YBEY: variants seen among roughly 807,000 people sequenced by gnomAD.
YBEY encodes the protein endoribonuclease YbeY.
A neutral mutation model predicts 13.5 loss-of-function variants in YBEY; 15 were observed. The observed-to-expected ratio is 1.11, with a 90% CI of 0.75 to 1.72. The LOEUF is 1.72. YBEY is among the 40% of genes most tolerant of loss of function. The pLI, the probability that YBEY is intolerant of heterozygous loss-of-function variation, is 0.00. For missense variants in YBEY, 244 were observed against 208.4 expected (o/e 1.17, Z -1.05); for synonymous variants, 101 against 83.1 (o/e 1.21, Z -1.17).
chr21:46,302,476 T>TG (rs773494949), downstream of YBEY: 17 of 1,595,512 alleles, frequency 1.1e-5, no homozygotes, highest in South Asian at 1.9e-4. Flanking sequence ...TGCTGGGGGC[T>TG]AAGCCTACCT....
At chr21:46,301,893 G>A, downstream of YBEY, 1 of 1,336,452 alleles carries the variant, frequency 7.5e-7, no homozygotes, top group Non-Finnish European at 9.6e-7. Flanking sequence ...ACTCCGGGTG[G>A]TGGCAGGGTC....
chr21:46,303,733 ATATATATATATATTTTTTTTTTT>A, the YBEY span, among the ~76,000 whole-genome samples: 1 of 32,230 alleles, frequency 3.1e-5, no homozygotes, highest in Non-Finnish European at 5.7e-5. Context: ...ATATATATAT[ATATATATATATATTTTTTTTTTT>A]TTTTTTTTTT....
At chr21:46,300,799 T>C (rs1475849065), downstream of YBEY, 2 of 1,288,138 alleles carry the variant, frequency 1.6e-6, no homozygotes, top group Non-Finnish European at 2.0e-6. Context: ...TCTGTCCTAA[T>C]AGGGGGTGAA....
At position 46,287,569 on chromosome 21, in the gene YBEY, A is replaced by G. The variant is rs1415486953; in HGVS notation, c.210+446A>G. Among the ~76,000 whole-genome samples, 3 of 152,214 alleles carry G rather than the reference A, an allele frequency of 2.0e-5. No homozygotes were observed. The East Asian group carries it at 5.8e-4, about 29-fold the overall frequency. ...GCCTATAAGTATATATGTTACAGACATGATTTTTAATTTTAATTTTGAAAA... is the reference window on the plus strand; with the variant it reads ...GCCTATAAGTATATATGTTACAGACGTGATTTTTAATTTTAATTTTGAAAA... On this transcript the variant is annotated intron_variant, in intron 2 of 4. Transcript: ENST00000397701.
In YBEY at chr21:46,296,179, ACT is replaced by A; in HGVS notation, c.360_361del (p.Cys121SerfsTer73). 6.2e-7 allele frequency: 1 copy of A among 1,613,600 alleles called. No individual in the cohort carries two copies. The highest frequency in any genetic ancestry group is 8.5e-7 in the Non-Finnish European group (1 of 1,179,988). On this transcript the variant is annotated frameshift_variant, in exon 4 of 5. Transcript: ENST00000397701. LOFTEE classifies it high-confidence loss of function. ...DVLTVTATHG[L>X]CHLLGFTHGT... is the part of the protein sequence containing the mutation. ...TCTGACAGGTGACGGCCACCCACGG[ACT>A]CTGTCACTTGCTGGGATTCACACAC...
chr21:46,299,750 G>GCCCCCCCCCCCCCCCCCCCCCCCCCCC (rs545785598), downstream of YBEY, among the ~76,000 whole-genome samples: 7 of 147,186 alleles, frequency 4.8e-5, no homozygotes, highest in African/African-American at 1.3e-4. Flanking sequence ...TGTGCCCTGA[G>GCCCCCCCCCCCCCCCCCCCCCCCCCCC]CCCCCCCCAC....
chr21:46,312,543 T>C, the YBEY span, among the ~76,000 whole-genome samples: 1 of 152,002 alleles, frequency 6.6e-6, no homozygotes, highest in Non-Finnish European at 1.5e-5. Flanking sequence ...GGTCTCGAAC[T>C]CCTGACCTCA....
the YBEY span, chr21:46,313,024 T>C: frequency 1.0e-6 from 1 of 985,348 alleles, no homozygotes; most frequent in Admixed American, 6.2e-5. Flanking sequence ...CTGCCTGGCC[T>C]TGTCCCTTCT....
At chr21:46,311,986 C>CCCAT in the YBEY span, among the ~76,000 whole-genome samples, 1 of 89,378 alleles carries the variant, frequency 1.1e-5, no homozygotes, top group Non-Finnish European at 2.1e-5. Context: ...CATCCATCCA[C>CCCAT]CCATCCACCC....
the YBEY span, among the ~76,000 whole-genome samples, chr21:46,307,116 G>A: frequency 6.6e-6 from 1 of 151,282 alleles, no homozygotes; most frequent in Non-Finnish European, 1.5e-5. Context: ...GGCTGGTCTC[G>A]AACTCCTGAC....
downstream of YBEY, chr21:46,301,469 C>T (rs1425225427): frequency 7.2e-6 from 6 of 831,860 alleles, no homozygotes; most frequent in Admixed American, 1.0e-3. Flanking sequence ...GTCTGTGCCA[C>T]AGCTGTGGAC....
Position 46,289,403 on chromosome 21 carries a change from G to A in YBEY, c.211-1931G>A, listed in dbSNP as rs115373208. On this transcript the variant is annotated intron_variant, in intron 2 of 4. Coordinates refer to ENST00000397701, the MANE Select transcript of YBEY (RefSeq NM_001314025.2). Reference sequence around the variant, plus strand: ...TGCCACATGCCATAGTAGACTGTGTGGATATTCGCATATTCAGGGAGGTAA... The same window carrying A: ...TGCCACATGCCATAGTAGACTGTGTAGATATTCGCATATTCAGGGAGGTAA... 2.6e-3 allele frequency among the ~76,000 whole-genome samples: 394 copies of A among 151,776 alleles called. 2 individuals carry two copies. Among genetic ancestry groups the A allele is most frequent in the African/African-American group, 9.1e-3 (379 of 41,422 alleles).
chr21:46,299,232 T>G (rs371119031), downstream of YBEY, among the ~76,000 whole-genome samples: 14 of 152,260 alleles, frequency 9.2e-5, no homozygotes, highest in African/African-American at 3.4e-4. Flanking sequence ...CCTCCCAAAG[T>G]GCTGACATTA....
At chr21:46,300,712 C>T (rs1162171137), downstream of YBEY, 9 of 1,286,598 alleles carry the variant, frequency 7.0e-6, no homozygotes, top group Non-Finnish European at 9.1e-6. Context: ...GTCATCCTGT[C>T]TCCTACCTGC....
chr21:46,295,516 C>G (rs1268542421), intron 3 of YBEY, among the ~76,000 whole-genome samples: 1 of 152,126 alleles, frequency 6.6e-6, no homozygotes, highest in Non-Finnish European at 1.5e-5. Context: ...TCCCCCAGCT[C>G]TGGGCTCCAT....
At chr21:46,306,105 T>C in the YBEY span, among the ~76,000 whole-genome samples, 2 of 148,598 alleles carry the variant, frequency 1.3e-5, no homozygotes, top group African/African-American at 2.5e-5. Context: ...GATGGGAATA[T>C]AATCCTGGAT....
At chr21:46,307,765 A>T in the YBEY span, among the ~76,000 whole-genome samples, 1 of 152,194 alleles carries the variant, frequency 6.6e-6, no homozygotes, top group Non-Finnish European at 1.5e-5. Context: ...GACAGCTGTC[A>T]GGTGATTCAG....
the YBEY span, among the ~76,000 whole-genome samples, chr21:46,309,673 A>C: frequency 3.3e-5 from 5 of 151,890 alleles, no homozygotes; most frequent in African/African-American, 1.2e-4. Context: ...AAAAAAGAGT[A>C]CATACTGTGT....
At chr21:46,291,831 G>A in intron 3 of YBEY, 1 of 1,071,992 alleles carries the variant, frequency 9.3e-7, no homozygotes, top group Non-Finnish European at 1.1e-6. Flanking sequence ...TTTCTCCTCA[G>A]TGTAATCCAC....
Sources: gnomAD v4.1 joint callset for allele counts (sites outside exome capture counted in the v4.1 genomes callset) on GRCh38, gnomAD v4.1.1 for gene constraint, MANE v1.5 for transcripts, NCBI Gene and HGNC (gene_info 2026-07-23, HGNC 2026-07-21) for gene names.